Variants in SLX4IP observed in about 807,000 individuals in gnomAD.
SLX4IP encodes the protein protein SLX4IP.
Under a neutral mutation model 32.9 loss-of-function variants are expected in SLX4IP, and 34 were observed. The ratio of observed to expected loss-of-function variants is 1.03; its 90% confidence interval spans 0.79 to 1.38. The LOEUF (loss-of-function observed/expected upper bound fraction) is 1.38, where lower values mean the gene tolerates loss of function less well. Among genes scored for constraint, SLX4IP ranks in the 40% most tolerant of loss-of-function variants. The pLI is 0.00. For synonymous variants in SLX4IP, 172 were observed against 171.7 expected (o/e 1.00, Z -0.01); for missense variants, 444 against 479.0 (o/e 0.93, Z 0.68).
At chr20:10,556,109 C>G in intron 2 of SLX4IP, 122 bp from the exon 3 acceptor site, 1 of 746,618 alleles carries the variant, frequency 1.3e-6, no homozygotes, top group Admixed American at 2.9e-5. Context: ...AAAGTTCTGT[C>G]TAGTAGTGAA....
Position 10,540,074 on chromosome 20 carries a change from T to TCTCCTTCC in SLX4IP, c.28-16157_28-16156insCTCCTTCC. On this transcript the variant is annotated intron_variant, in intron 2 of 7. Coordinates refer to ENST00000334534, the MANE Select transcript of SLX4IP (RefSeq NM_001009608.3). ...GTTTCTTTTTGTTTTCTTTCTTTTC[T>TCTCCTTCC]TTCTTTTCTCTCCTTCCTTCCTTTC... Among the ~76,000 whole-genome samples, 5 of 129,062 alleles carry TCTCCTTCC rather than the reference T, an allele frequency of 3.9e-5. No homozygotes were observed. The Admixed American group carries it at 4.0e-4, about 10-fold the overall frequency. The allele number at this position is 129,062 out of a possible 152,430, so 84.7% of individuals were successfully genotyped here.
At chr20:10,544,531 G>A (rs1034016715) in intron 2 of SLX4IP, among the ~76,000 whole-genome samples, 1 of 152,052 alleles carries the variant, frequency 6.6e-6, no homozygotes, top group African/African-American at 2.4e-5. Context: ...GACTACAGGC[G>A]TGCACCACCA....
intron 4 of SLX4IP, among the ~76,000 whole-genome samples, chr20:10,577,069 G>A (rs1024585853): frequency 6.6e-6 from 1 of 152,048 alleles, no homozygotes; most frequent in African/African-American, 2.4e-5. Flanking sequence ...AGAATGATTT[G>A]CAAAAGCTTC....
At chr20:10,560,580 CA>C in intron 3 of SLX4IP, 119 bp from the exon 4 acceptor site, 1 of 768,792 alleles carries the variant, frequency 1.3e-6, no homozygotes, top group Non-Finnish European at 1.9e-6. Flanking sequence ...TTCCTTTCAA[CA>C]TTCACAGCTA....
chr20:10,613,326 A>G (rs1335930443), intron 6 of SLX4IP: 5 of 869,814 alleles, frequency 5.7e-6, no homozygotes, highest in Non-Finnish European at 9.3e-6. Flanking sequence ...TCAGGCTGGA[A>G]AGACACCTTT....
intron 4 of SLX4IP, among the ~76,000 whole-genome samples, chr20:10,580,202 A>G (rs2066568189): frequency 6.6e-6 from 1 of 152,158 alleles, no homozygotes; most frequent in African/African-American, 2.4e-5. Context: ...CAGGTTCTAA[A>G]GTTGAGGCCA....
rs748865264 is a variant in SLX4IP, at chr20:10,601,844, CAAAT to C, written c.405+28_405+31del. The C allele has an allele frequency of 6.3e-6, 10 of 1,580,894 alleles. No individual in the cohort carries two copies. In the African/African-American group the frequency reaches 1.2e-4, roughly 19 times the overall value. ...GGTGAGTATGAAAAAATTCTATAAACAAATAAGTCTGCTTAAATGCTGAGTTACT... is the reference window on the plus strand; with the variant it reads ...GGTGAGTATGAAAAAATTCTATAAACAAGTCTGCTTAAATGCTGAGTTACT... On this transcript the variant is annotated intron_variant, in intron 6 of 7. Coordinates refer to ENST00000334534, the MANE Select transcript of SLX4IP (RefSeq NM_001009608.3).
intron 6 of SLX4IP, among the ~76,000 whole-genome samples, chr20:10,603,019 A>G (rs1450208233): frequency 6.6e-6 from 1 of 152,262 alleles, no homozygotes; most frequent in Non-Finnish European, 1.5e-5. Flanking sequence ...GGTGAAAAGT[A>G]TTAAGTTTGT....
At chr20:10,602,204 A>G (rs949548388) in intron 6 of SLX4IP, among the ~76,000 whole-genome samples, 12 of 152,286 alleles carry the variant, frequency 7.9e-5, no homozygotes, top group Admixed American at 7.8e-4. Context: ...ATTTTATTCC[A>G]TGGTGAATCA....
intron 2 of SLX4IP, among the ~76,000 whole-genome samples, chr20:10,526,505 C>G (rs1028722770): frequency 5.3e-5 from 8 of 152,194 alleles, no homozygotes; most frequent in African/African-American, 1.4e-4. Flanking sequence ...GATTGCCACT[C>G]AGGTGTTTTC....
intron 4 of SLX4IP, among the ~76,000 whole-genome samples, chr20:10,586,756 A>G (rs146695756): frequency 3.9e-5 from 6 of 152,290 alleles, no homozygotes; most frequent in African/African-American, 1.4e-4. Context: ...GGAAATTAAA[A>G]TAAAAGACTA....
chr20:10,613,502 T>G, intron 6 of SLX4IP: 1 of 1,605,824 alleles, frequency 6.2e-7, no homozygotes, highest in Non-Finnish European at 8.5e-7. Flanking sequence ...AGTACTTTGC[T>G]TCCATCTGAG....
chr20:10,585,142 A>G (rs553197528), intron 4 of SLX4IP, among the ~76,000 whole-genome samples: 3 of 152,260 alleles, frequency 2.0e-5, no homozygotes, highest in South Asian at 4.1e-4. Flanking sequence ...CATCTTTGCA[A>G]AGTTCCCAGA....
In SLX4IP at chr20:10,509,061, G is replaced by T. The variant is rs6039996; in HGVS notation, c.28-47170G>T. 3.1e-3 allele frequency among the ~76,000 whole-genome samples: 474 copies of T among 152,226 alleles called. 5 individuals are homozygous for T. The highest frequency in any genetic ancestry group is 0.014 in the Middle Eastern group (4 of 294). ...GCATTCCTTAGTAGCTCTGTGATGG[G>T]TTAATCTCCCTCCTCCCACTCCGAG... On this transcript the variant is annotated intron_variant, in intron 2 of 7. Coordinates refer to ENST00000334534, the MANE Select transcript of SLX4IP (RefSeq NM_001009608.3).
At chr20:10,453,397 G>A (rs1207045396) in intron 1 of SLX4IP, among the ~76,000 whole-genome samples, 1 of 151,586 alleles carries the variant, frequency 6.6e-6, no homozygotes, top group Non-Finnish European at 1.5e-5. Flanking sequence ...CTTCTCCTGT[G>A]GTCTACCCAC....
intron 6 of SLX4IP, chr20:10,613,091 A>G (rs1372775915): frequency 3.2e-6 from 1 of 311,450 alleles, no homozygotes; most frequent in Non-Finnish European, 6.0e-6. Flanking sequence ...ACAGACACGC[A>G]CATCGCAGAA....
At chr20:10,585,570 TTTTTTTC>T (rs2066636641) in intron 4 of SLX4IP, among the ~76,000 whole-genome samples, 1 of 151,558 alleles carries the variant, frequency 6.6e-6, no homozygotes, top group African/African-American at 2.4e-5. Context: ...TTCCTTTCCT[TTTTTTTC>T]TTTCTTTCTT....
intron 2 of SLX4IP, among the ~76,000 whole-genome samples, chr20:10,491,258 C>T (rs2065621090): frequency 6.6e-6 from 1 of 152,182 alleles, no homozygotes; most frequent in Admixed American, 6.5e-5. Flanking sequence ...ACATAATACC[C>T]ATCAACTCTT....
intron 1 of SLX4IP, among the ~76,000 whole-genome samples, chr20:10,448,291 T>C (rs1433523777): frequency 6.6e-6 from 1 of 152,202 alleles, no homozygotes; most frequent in Non-Finnish European, 1.5e-5. Context: ...ATTTGAACCC[T>C]GAACTACTGT....
Sources: allele counts gnomAD v4.1 joint callset (sites outside exome capture counted in the v4.1 genomes callset), GRCh38; gene constraint gnomAD v4.1.1; transcripts MANE v1.5; gene names NCBI Gene and HGNC (gene_info 2026-07-23, HGNC 2026-07-21).